Variants in CFTR observed in about 807,000 individuals in gnomAD.
The protein encoded by CFTR is cystic fibrosis transmembrane conductance regulator.
Under a neutral mutation model 171.6 loss-of-function variants are expected in CFTR, and 181 were observed. The observed-to-expected ratio is 1.05, with a 90% CI of 0.93 to 1.19. CFTR has a LOEUF of 1.19. Ranked by LOEUF, CFTR falls within the 50% of genes most tolerant of loss-of-function variation. The pLI, the probability that CFTR is intolerant of heterozygous loss-of-function variation, is 0.00. For synonymous variants in CFTR, 583 were observed against 608.0 expected (o/e 0.96, Z 0.60); for missense variants, 1,968 against 1,734.7 (o/e 1.13, Z -2.39).
intron 2 of CFTR, 25 bp from the exon 3 acceptor site, chr7:117,509,009 G>C (rs778574492): frequency 7.3e-7 from 1 of 1,371,574 alleles, no homozygotes; most frequent in South Asian, 1.2e-5. Flanking sequence ...GCAACTTATT[G>C]GTCCCACTTT....
intron 24 of CFTR, among the ~76,000 whole-genome samples, chr7:117,659,068 A>C (rs1454371172): frequency 6.6e-6 from 1 of 152,074 alleles, no homozygotes; most frequent in African/African-American, 2.4e-5. Context: ...GTTATACTGA[A>C]TTTCTTTGGT....
At chr7:117,501,776 C>CAAAAAAAAAAAAAAA (rs796991857) in intron 1 of CFTR, among the ~76,000 whole-genome samples, 1 of 84,334 alleles carries the variant, frequency 1.2e-5, no homozygotes, top group Admixed American at 1.3e-4. Flanking sequence ...AAAAAAGAAA[C>CAAAAAAAAAAAAAAA]AAAAAAAAAA....
intron 3 of CFTR, among the ~76,000 whole-genome samples, chr7:117,512,937 A>G (rs1798543804): frequency 6.6e-6 from 1 of 152,182 alleles, no homozygotes; most frequent in Non-Finnish European, 1.5e-5. Context: ...AAATTAAAGG[A>G]CATACAGGAG....
rs1205615073 is a variant in CFTR, at chr7:117,535,428, A to G, written c.743+17A>G. ...GAAGTACAGGTAGCAACCTATTTTC[A>G]TAACTTGAAAGTTTTAAAAATTATG... is the stretch of plus-strand genomic sequence containing the variant. On this transcript the variant is annotated intron_variant, in intron 6 of 26. Coordinates refer to ENST00000003084, the MANE Select transcript of CFTR (RefSeq NM_000492.4). 5 of 1,613,260 alleles carry G rather than the reference A, an allele frequency of 3.1e-6. No individual in the cohort carries two copies. The highest frequency in any genetic ancestry group is 1.3e-5 in the African/African-American group (1 of 74,898).
intron 11 of CFTR, among the ~76,000 whole-genome samples, chr7:117,574,577 T>G (rs1791745399): frequency 6.6e-6 from 1 of 152,100 alleles, no homozygotes; most frequent in South Asian, 2.1e-4. Context: ...TAGCGTCTAT[T>G]ATAGACAGAA....
intron 3 of CFTR, among the ~76,000 whole-genome samples, chr7:117,520,448 C>T (rs948653277): frequency 6.6e-6 from 1 of 151,720 alleles, no homozygotes; most frequent in Non-Finnish European, 1.5e-5. Context: ...TAAATATCTA[C>T]TCTATTTAGA....
At chr7:117,562,967 A>T (rs1332022564) in intron 11 of CFTR, among the ~76,000 whole-genome samples, 2 of 152,184 alleles carry the variant, frequency 1.3e-5, no homozygotes, top group Admixed American at 1.3e-4. Flanking sequence ...AGGCCATGTC[A>T]TGGAGGCCTT....
rs534694764 is a variant in CFTR, at chr7:117,649,362, A to G, written c.3874-3480A>G. 1.1e-4 allele frequency among the ~76,000 whole-genome samples: 17 copies of G among 149,592 alleles called. No individual in the cohort carries two copies. In the South Asian group the frequency reaches 1.7e-3, roughly 15 times the overall value. On this transcript the variant is annotated intron_variant, in intron 23 of 26. Transcript: ENST00000003084. ...GATATATATATCTACACACATCTAGATATATATATACATGTATATCTATAT... is the reference window on the plus strand; with the variant it reads ...GATATATATATCTACACACATCTAGGTATATATATACATGTATATCTATAT...
intron 22 of CFTR, among the ~76,000 whole-genome samples, chr7:117,639,227 C>A (rs1283110921): frequency 6.6e-6 from 1 of 152,128 alleles, no homozygotes; most frequent in African/African-American, 2.4e-5. Context: ...TTTAAAGAAC[C>A]TATACTTTAC....
chr7:117,657,833 A>G (rs1403818981), intron 24 of CFTR, among the ~76,000 whole-genome samples: 2 of 152,188 alleles, frequency 1.3e-5, no homozygotes, highest in East Asian at 1.9e-4. Context: ...AAAAATATAT[A>G]CAGTGATAAT....
chr7:117,523,592 C>T (rs547697520), intron 3 of CFTR, among the ~76,000 whole-genome samples: 149 of 152,084 alleles, frequency 9.8e-4, no homozygotes, highest in Non-Finnish European at 1.8e-3. Context: ...TTAGCCAGGA[C>T]GGTCTTGATC....
rs1160986735 is a variant in CFTR, at chr7:117,606,690, A to G, written c.2925A>G (p.Arg975=). 1 of 1,577,414 alleles carries G rather than the reference A, an allele frequency of 6.3e-7. No homozygotes were observed. The highest frequency in any genetic ancestry group is 1.7e-5 in the Admixed American group (1 of 59,954). The part of the protein sequence containing the change: ...NTLKAGGILN[R]FSKDIAILDD... ...ATATTATAGGTGGGATTCTTAATAGATTCTCCAAAGATATAGCAATTTTGG... is the reference window on the plus strand; with the variant it reads ...ATATTATAGGTGGGATTCTTAATAGGTTCTCCAAAGATATAGCAATTTTGG... The change falls in exon 18 of 27, where the codon AGA becomes AGG. Residue 975 remains arginine, a synonymous_variant. Transcript: ENST00000003084.
At chr7:117,569,617 A>C (rs2115969002) in intron 11 of CFTR, among the ~76,000 whole-genome samples, 1 of 152,296 alleles carries the variant, frequency 6.6e-6, no homozygotes, top group Non-Finnish European at 1.5e-5. Context: ...GCCTGAGGAG[A>C]AGGAGCATTT....
At chr7:117,586,347 C>T (rs1173217388) in intron 11 of CFTR, 1 of 152,104 alleles carries the variant, frequency 6.6e-6, no homozygotes, top group Non-Finnish European at 1.5e-5. Flanking sequence ...TCTCCAGTGC[C>T]TAAGTAGCCG....
At chr7:117,633,433 A>G (rs988735696) in intron 22 of CFTR, among the ~76,000 whole-genome samples, 3 of 152,136 alleles carry the variant, frequency 2.0e-5, no homozygotes, top group African/African-American at 7.2e-5. Context: ...AATCTTCTAC[A>G]TAGATTATCA....
At chr7:117,644,970 T>C (rs1053231903) in intron 23 of CFTR, among the ~76,000 whole-genome samples, 1 of 152,152 alleles carries the variant, frequency 6.6e-6, no homozygotes, top group African/African-American at 2.4e-5. Flanking sequence ...ACAGAAAAAA[T>C]ATTTTTAAAT....
At position 117,509,122 on chromosome 7, in the gene CFTR, G is replaced by T. The variant is rs1584776437; in HGVS notation, c.253G>T (p.Gly85Ter). 1 of 1,595,794 alleles carries T rather than the reference G, an allele frequency of 6.3e-7. No individual in the cohort carries two copies. The highest frequency in any genetic ancestry group is 1.1e-5 in the South Asian group (1 of 90,752). Residue 85 changes from glycine (G) to a stop codon, truncating the protein, a stop_gained, in exon 3 of 27, where the codon GGA (glycine) becomes TGA (stop). Transcript: ENST00000003084. LOFTEE classifies it high-confidence loss of function. ...TTTTTTCTGGAGATTTATGTTCTAT[G>T]GAATCTTTTTATATTTAGGGGTAAG... ...RCFFWRFMFY[G>*]IFLYLGEVTK...
At position 117,499,225 on chromosome 7, in the gene CFTR, G is replaced by A. The variant is rs150185539; in HGVS notation, c.54-5028G>A. The stretch of plus-strand genomic sequence containing the variant: ...TTTGGCAGATGAAAATGTCAGATGC[G>A]TCTTTTGGATTAATAAAAGGCAAAA... On this transcript the variant is annotated intron_variant, in intron 1 of 26. Coordinates refer to ENST00000003084, the MANE Select transcript of CFTR (RefSeq NM_000492.4). 4.5e-4 allele frequency among the ~76,000 whole-genome samples: 68 copies of A among 152,020 alleles called. 1 individual carries two copies. In the East Asian group the frequency reaches 0.01, roughly 23 times the overall value.
At chr7:117,522,349 C>T (rs747980739) in intron 3 of CFTR, among the ~76,000 whole-genome samples, 3 of 152,170 alleles carry the variant, frequency 2.0e-5, no homozygotes, top group Non-Finnish European at 2.9e-5. Context: ...TAGCTTTCTC[C>T]ACCTCTTAGT....
Sources: allele counts gnomAD v4.1 joint callset (sites outside exome capture counted in the v4.1 genomes callset), GRCh38; gene constraint gnomAD v4.1.1; transcripts MANE v1.5; gene names NCBI Gene and HGNC (gene_info 2026-07-23, HGNC 2026-07-21).